Variants in PIK3R3 observed in about 807,000 individuals in gnomAD.
PIK3R3 encodes phosphatidylinositol 3-kinase regulatory subunit gamma.
PIK3R3 carries 64 observed loss-of-function variants against 62.9 expected under a neutral mutation model. The observed-to-expected ratio is 1.02, with a 90% CI of 0.83 to 1.25. The LOEUF (loss-of-function observed/expected upper bound fraction) is 1.25, where lower values mean the gene tolerates loss of function less well. PIK3R3 is among the 50% of genes most tolerant of loss of function. The pLI is 0.00. For synonymous variants in PIK3R3, 165 were observed against 189.0 expected (o/e 0.87, Z 1.04); for missense variants, 614 against 561.6 (o/e 1.09, Z -0.94).
chr1:46,049,544 T>C (rs1003643009), intron 7 of PIK3R3, among the ~76,000 whole-genome samples: 4 of 152,244 alleles, frequency 2.6e-5, no homozygotes, highest in Admixed American at 6.5e-5. Context: ...CAGCATCTGT[T>C]GGTAGCCAGT....
chr1:46,118,540 A>C (rs1452274473), intron 1 of PIK3R3, among the ~76,000 whole-genome samples: 1 of 148,932 alleles, frequency 6.7e-6, no homozygotes, highest in African/African-American at 2.5e-5. Context: ...CCCACCACCC[A>C]TACCATTACT....
rs972247671 is a variant in PIK3R3, at chr1:46,046,088, C to A, written c.1017G>T (p.Glu339Asp). The A allele has an allele frequency of 6.4e-7, 1 of 1,555,376 alleles. No individual in the cohort carries two copies. Among genetic ancestry groups the A allele is most frequent in the South Asian group, 1.2e-5 (1 of 86,032 alleles). ...WLGIKNEDAD[E>D]NYFINEEDEN... ...CATCTTCCTCATTGATAAAATAGTT[C>A]CTAAAAATTAAATATTAGTATATTA... Residue 339 changes from glutamate to aspartate, a missense_variant and splice_region_variant, in exon 9 of 10, where the codon GAG becomes GAT. Transcript: ENST00000262741.
chr1:46,121,041 C>A (rs1430444428), intron 1 of PIK3R3, among the ~76,000 whole-genome samples: 1 of 152,152 alleles, frequency 6.6e-6, no homozygotes, highest in Admixed American at 6.6e-5. Flanking sequence ...AGGATGAAGC[C>A]AGTCCCAAGG....
intron 1 of PIK3R3, among the ~76,000 whole-genome samples, chr1:46,081,682 C>A (rs1473094007): frequency 1.3e-5 from 2 of 152,150 alleles, no homozygotes; most frequent in African/African-American, 4.8e-5. Context: ...GGCAACAACA[C>A]CCCAATATGT....
At chr1:46,047,923 G>A (rs1391967070) in intron 7 of PIK3R3, among the ~76,000 whole-genome samples, 1 of 152,120 alleles carries the variant, frequency 6.6e-6, no homozygotes, top group African/African-American at 2.4e-5. Flanking sequence ...TGGGACTACA[G>A]TCACGCGCCA....
chr1:46,133,276 G>T (rs1655785873), upstream of PIK3R3, among the ~76,000 whole-genome samples: 1 of 152,254 alleles, frequency 6.6e-6, no homozygotes, highest in South Asian at 2.1e-4. Context: ...CTGGGCGAGC[G>T]CTCGGGGGCT....
intron 3 of PIK3R3, among the ~76,000 whole-genome samples, chr1:46,069,494 G>A (rs1196354354): frequency 6.6e-6 from 1 of 151,862 alleles, no homozygotes; most frequent in East Asian, 1.9e-4. Context: ...ACTCCAGCCA[G>A]GGGTACAGAG....
chr1:46,046,660 G>A (rs1324297014), intron 7 of PIK3R3, 35 bp from the exon 8 acceptor site: 3 of 1,452,780 alleles, frequency 2.1e-6, no homozygotes, highest in South Asian at 2.3e-5. Flanking sequence ...CAGTATCCAT[G>A]CAAACTCTGA....
intron 1 of PIK3R3, among the ~76,000 whole-genome samples, chr1:46,096,246 T>C (rs1015168364): frequency 2.0e-5 from 3 of 152,242 alleles, no homozygotes; most frequent in Non-Finnish European, 4.4e-5. Flanking sequence ...CCTATCCTTT[T>C]CACACACTAC....
chr1:46,119,647 G>GT (rs969111699), intron 1 of PIK3R3, among the ~76,000 whole-genome samples: 34 of 151,054 alleles, frequency 2.3e-4, no homozygotes, highest in Admixed American at 1.5e-3. Context: ...CCATTTTTTT[G>GT]TTTTTTTTGA....
the PIK3R3 span, among the ~76,000 whole-genome samples, chr1:46,163,823 G>A: frequency 6.6e-6 from 1 of 152,148 alleles, no homozygotes; most frequent in Non-Finnish European, 1.5e-5. Flanking sequence ...TTCCTCAGCT[G>A]TAAAATAGAG....
intron 1 of PIK3R3, among the ~76,000 whole-genome samples, chr1:46,091,675 G>A (rs762731892): frequency 7.2e-5 from 11 of 152,052 alleles, no homozygotes; most frequent in East Asian, 1.9e-4. Context: ...TTAGTGCAAC[G>A]AGCAAATTTG....
At chr1:46,091,111 C>G (rs947508758) in intron 1 of PIK3R3, among the ~76,000 whole-genome samples, 1 of 151,168 alleles carries the variant, frequency 6.6e-6, no homozygotes, top group Non-Finnish European at 1.5e-5. Context: ...GAACTAAAGG[C>G]ATGCACCACT....
the PIK3R3 span, among the ~76,000 whole-genome samples, chr1:46,151,832 G>C: frequency 1.3e-5 from 2 of 152,156 alleles, no homozygotes; most frequent in Non-Finnish European, 2.9e-5. Flanking sequence ...AGTAGTCATT[G>C]GAGTCCTTGC....
chr1:46,156,734 A>G, the PIK3R3 span, among the ~76,000 whole-genome samples: 294 of 152,286 alleles, frequency 1.9e-3, 1 homozygote, highest in African/African-American at 6.8e-3. Flanking sequence ...TCTGTCCATT[A>G]GCTGTCCAAA....
At chr1:46,141,771 GTC>G in the PIK3R3 span, among the ~76,000 whole-genome samples, 5 of 152,262 alleles carry the variant, frequency 3.3e-5, no homozygotes, top group African/African-American at 1.2e-4. Context: ...GTCATCAAAT[GTC>G]TCTCTCCTGT....
rs916241428 is a variant in PIK3R3, at chr1:46,078,054, A to G, written c.216-441T>C. 2.0e-5 allele frequency among the ~76,000 whole-genome samples: 3 copies of G among 152,206 alleles called. No individual in the cohort carries two copies. The South Asian group carries it at 6.2e-4, about 31-fold the overall frequency. The stretch of plus-strand genomic sequence containing the variant: ...TAACCTTTCAATAGGATAGTCTCCT[A>G]GTTTGAATTTGTCCCGATAACAAAT... On this transcript the variant is annotated intron_variant, in intron 2 of 9. Coordinates refer to ENST00000262741, the MANE Select transcript of PIK3R3 (RefSeq NM_003629.4).
intron 1 of PIK3R3, among the ~76,000 whole-genome samples, chr1:46,083,345 T>C (rs1650778550): frequency 6.6e-6 from 1 of 152,166 alleles, no homozygotes; most frequent in Non-Finnish European, 1.5e-5. Flanking sequence ...GATTAGGTAA[T>C]GGTTTCTTAA....
intron 3 of PIK3R3, among the ~76,000 whole-genome samples, chr1:46,074,310 AAAAAAAAC>A (rs1649855536): frequency 1.4e-5 from 2 of 146,472 alleles, no homozygotes; most frequent in African/African-American, 2.5e-5. Context: ...AAAAAAAAAA[AAAAAAAAC>A]CAATAAATTC....
Sources: allele counts gnomAD v4.1 joint callset (sites outside exome capture counted in the v4.1 genomes callset), GRCh38; gene constraint gnomAD v4.1.1; transcripts MANE v1.5; gene names NCBI Gene and HGNC (gene_info 2026-07-23, HGNC 2026-07-21).